Variants in GEN1 observed in about 807,000 individuals in gnomAD.
GEN1 encodes the protein GEN1 structure-specific endonuclease.
GEN1 carries 64 observed loss-of-function variants against 67.6 expected under a neutral mutation model. The ratio of observed to expected loss-of-function variants is 0.95; its 90% CI spans 0.77 to 1.17. The LOEUF (loss-of-function observed/expected upper bound fraction) is 1.17. Among genes scored for constraint, GEN1 ranks in the 50% most tolerant of loss-of-function variants. GEN1 has a pLI of 0.00. For missense variants in GEN1, 1,058 were observed against 1,048.3 expected, an observed-to-expected ratio of 1.01 and a Z score of -0.13; for synonymous variants, 371 against 359.4, an observed-to-expected ratio of 1.03 and a Z score of -0.37.
intron 6 of GEN1, chr2:17,770,967 A>T: frequency 1.9e-6 from 1 of 539,450 alleles, no homozygotes; most frequent in South Asian, 1.7e-5. Context: ...AGATACACAC[A>T]CACATATACT....
In GEN1 at chr2:17,761,379, T is replaced by C. The variant is rs1373093743; in HGVS notation, c.162-17T>C. 2 of 1,368,124 alleles carry C rather than the reference T, an allele frequency of 1.5e-6. No homozygotes were observed. Among genetic ancestry groups the C allele is most frequent in the African/African-American group, 1.5e-5 (1 of 68,466 alleles). 84.7% of individuals were successfully genotyped at this position (1,368,124 alleles called of 1,614,324 possible). On this transcript the variant is annotated splice_polypyrimidine_tract_variant and intron_variant, in intron 2 of 13. Coordinates refer to ENST00000381254, the MANE Select transcript of GEN1 (RefSeq NM_001130009.3). ...CAGTGTTTGATGATTAATGTATTAC[T>C]AATTTATATATTTCAGGAACTTATT...
At chr2:17,778,734 A>G in intron 12 of GEN1, among the ~76,000 whole-genome samples, 1 of 152,084 alleles carries the variant, frequency 6.6e-6, no homozygotes, top group East Asian at 1.9e-4. Context: ...TGCATCTGAA[A>G]AAATTGAGAT....
chr2:17,781,695 A>G lies in GEN1; in HGVS notation c.2483A>G (p.Asn828Ser), dbSNP rs763819025. Residue 828 changes from asparagine (N) to serine (S), a missense_variant, in exon 14 of 14, where the codon AAT (asparagine) becomes AGT (serine). Coordinates refer to ENST00000381254, the MANE Select transcript of GEN1 (RefSeq NM_001130009.3). ...QRMKHSSQKH[N>S]SSHFKESGHN... ...ATGAAGCACAGTTCTCAAAAGCATA[A>G]TTCATCCCATTTCAAAGAAAGTGGC... 12 of 1,613,758 alleles carry G rather than the reference A, an allele frequency of 7.4e-6. No homozygotes were observed. The East Asian group carries it at 8.9e-5, about 12-fold the overall frequency.
intron 3 of GEN1, among the ~76,000 whole-genome samples, chr2:17,762,564 T>A (rs565234705): frequency 6.6e-6 from 1 of 152,292 alleles, no homozygotes; most frequent in African/African-American, 2.4e-5. Flanking sequence ...TACACATGAT[T>A]TTTAACCTAG....
intron 6 of GEN1, 36 bp downstream of exon 6, chr2:17,768,847 C>A: frequency 7.8e-7 from 1 of 1,286,232 alleles, no homozygotes; most frequent in Non-Finnish European, 1.1e-6. Flanking sequence ...GACATTGAAC[C>A]TTTATTCTTG....
chr2:17,770,962 C>A (rs1672157916), intron 6 of GEN1: 1 of 512,340 alleles, frequency 2.0e-6, no homozygotes, highest in Non-Finnish European at 3.6e-6. Flanking sequence ...TATATAGATA[C>A]ACACACACAT....
chr2:17,775,918 C>T (rs565386630), intron 11 of GEN1, among the ~76,000 whole-genome samples: 11 of 151,888 alleles, frequency 7.2e-5, no homozygotes, highest in African/African-American at 2.7e-4. Context: ...GCCGGTGGAT[C>T]GACTGAGCTC....
rs1292089351 is a variant in GEN1 at position 17,772,668 on chromosome 2, A to G, written c.837A>G (p.Arg279=). 1.2e-6 allele frequency: 2 copies of G among 1,611,588 alleles called. No individual in the cohort carries two copies. The highest frequency in any genetic ancestry group is 2.7e-5 in the African/African-American group (2 of 74,830). Residue 279 remains arginine (R), a synonymous_variant, in exon 8 of 14, where the codon AGA becomes AGG. Transcript: ENST00000381254. ...SPKDHERNGC[R]LCKSDKYCEP... ...AGGATCATGAACGTAATGGATGCAG[A>G]TTATGTAAAAGTGATAAATATTGTG...
At chr2:17,761,612 C>T (rs529044364) in intron 3 of GEN1, 30 bp downstream of exon 3, 21 of 1,477,022 alleles carry the variant, frequency 1.4e-5, no homozygotes, top group South Asian at 1.4e-4. Flanking sequence ...TCAGTAATTC[C>T]GATTTGAATT....
At chr2:17,778,892 T>G (rs1005851794) in intron 12 of GEN1, among the ~76,000 whole-genome samples, 1 of 152,100 alleles carries the variant, frequency 6.6e-6, no homozygotes, top group Non-Finnish European at 1.5e-5. Context: ...AAACTGGAGA[T>G]AGTGAAAAAC....
At chr2:17,755,266 T>G (rs1342162334) in intron 1 of GEN1, 4 of 152,238 alleles carry the variant, frequency 2.6e-5, no homozygotes, top group Admixed American at 6.5e-5. Context: ...CAGGAACCGT[T>G]CCTTGATTCC....
At chr2:17,762,816 G>A (rs546887750) in intron 3 of GEN1, among the ~76,000 whole-genome samples, 25 of 152,260 alleles carry the variant, frequency 1.6e-4, no homozygotes, top group Non-Finnish European at 2.9e-4. Flanking sequence ...GGATTGATGG[G>A]TCAAAGTTTT....
intron 10 of GEN1, among the ~76,000 whole-genome samples, chr2:17,773,796 C>T (rs1167254974): frequency 6.6e-6 from 1 of 151,990 alleles, no homozygotes; most frequent in Non-Finnish European, 1.5e-5. Flanking sequence ...AATATAGTGG[C>T]TAGGGACACG....
chr2:17,765,011 G>A lies in GEN1; in HGVS notation c.463G>A (p.Asp155Asn). 1 of 1,614,152 alleles carries A rather than the reference G, an allele frequency of 6.2e-7. No homozygotes were observed. Residue 155 changes from aspartate to asparagine, a missense_variant, in exon 4 of 14, where the codon GAT becomes AAT. Physicochemically the swap from Asp to Asn is conservative, Grantham distance 23 (BLOSUM62 1). Transcript: ENST00000381254. ...TCATGTCGATGGCTGCCTCACCAAT[G>A]ATGGAGATACTTTCCTTTATGGGGC... ...GGHVDGCLTN[D>N]GDTFLYGAQT...
Position 17,778,274 on chromosome 2 carries a change from A to G in GEN1, c.1264+211A>G, listed in dbSNP as rs1344912129. ...TATACACACATATGTGTGTACATATATGTATATACACACACATGTGTGTGT... is the reference window on the plus strand; with the variant it reads ...TATACACACATATGTGTGTACATATGTGTATATACACACACATGTGTGTGT... On this transcript the variant is annotated intron_variant, in intron 12 of 13. Transcript: ENST00000381254. Among the ~76,000 whole-genome samples, 2 of 86,510 alleles carry G rather than the reference A, an allele frequency of 2.3e-5. 1 individual carries two copies. Among genetic ancestry groups the G allele is most frequent in the Non-Finnish European group, 4.9e-5 (2 of 40,466 alleles). The allele number at this position is 86,510 out of a possible 152,430, so 56.8% of individuals were successfully genotyped here. A position where few individuals can be genotyped will look rare whatever the true frequency, so the allele number is the denominator to read the frequency against.
chr2:17,785,209 T>G lies in GEN1; in HGVS notation c.*3270T>G, dbSNP rs540561418. On this transcript the variant is annotated 3_prime_UTR_variant, in exon 14 of 14. Coordinates refer to ENST00000381254, the MANE Select transcript of GEN1 (RefSeq NM_001130009.3). Reference sequence around the variant, plus strand: ...AAAGTGGTCCTCGGTGCCAGAAAGGTTGGGGACTGCTGATATACCTAATAT... The same window carrying G: ...AAAGTGGTCCTCGGTGCCAGAAAGGGTGGGGACTGCTGATATACCTAATAT... 1 of 152,184 alleles carries G rather than the reference T, an allele frequency of 6.6e-6. No individual in the cohort carries two copies. Among genetic ancestry groups the G allele is most frequent in the Admixed American group, 6.5e-5 (1 of 15,272 alleles). The allele number at this position is 152,184 out of a possible 1,614,324, so 9.4% of individuals were successfully genotyped here.
intron 3 of GEN1, among the ~76,000 whole-genome samples, chr2:17,762,314 G>T (rs1411222881): frequency 6.8e-6 from 1 of 148,080 alleles, no homozygotes; most frequent in African/African-American, 2.5e-5. Flanking sequence ...CCATTTTCCT[G>T]CCTCAGCCTC....
chr2:17,778,315 C>CACACATGTGTGTGTACATATATGTATAT (rs1672605657), intron 12 of GEN1, among the ~76,000 whole-genome samples: 1 of 34,266 alleles, frequency 2.9e-5, no homozygotes, highest in African/African-American at 1.2e-4. Context: ...TATGTATATA[C>CACACATGTGTGTGTACATATATGTATAT]ACACACACGT....
intron 5 of GEN1, among the ~76,000 whole-genome samples, chr2:17,768,427 A>G (rs1672029562): frequency 6.6e-6 from 1 of 152,242 alleles, no homozygotes; most frequent in South Asian, 2.1e-4. Flanking sequence ...AACATAGTAA[A>G]TGAAAGCCCT....
Sources: allele counts gnomAD v4.1 joint callset (sites outside exome capture counted in the v4.1 genomes callset), GRCh38; gene constraint gnomAD v4.1.1; transcripts MANE v1.5; gene names NCBI Gene and HGNC (gene_info 2026-07-23, HGNC 2026-07-21).